The following HTR1F variants were observed in gnomAD, a reference collection of about 807,000 sequenced individuals.
The protein encoded by HTR1F is 5-hydroxytryptamine (serotonin) receptor 1F, G protein-coupled.
A neutral mutation model predicts 24.0 loss-of-function variants in HTR1F; 17 were observed. The observed-to-expected ratio is 0.71, with a 90% CI of 0.48 to 1.06. The LOEUF is 1.06. Ranked by LOEUF, HTR1F falls within the 50% of genes least tolerant of loss-of-function variation. The pLI, the probability that HTR1F is intolerant of heterozygous loss-of-function variation, is 0.00. For missense variants in HTR1F, 391 were observed against 427.8 expected (o/e 0.91, Z 0.76); for synonymous variants, 186 against 156.8 (o/e 1.19, Z -1.39).
chr3:87,973,511 G>C (rs539320897), intron 2 of HTR1F, among the ~76,000 whole-genome samples: 133 of 152,182 alleles, frequency 8.7e-4, no homozygotes, highest in Non-Finnish European at 1.5e-3. Flanking sequence ...AGGCAAAACT[G>C]CTATAACCGT....
intron 2 of HTR1F, among the ~76,000 whole-genome samples, chr3:87,954,272 A>G (rs538370825): frequency 3.7e-4 from 56 of 151,958 alleles, no homozygotes; most frequent in African/African-American, 1.3e-3. Flanking sequence ...ATCATTACAC[A>G]TTATGTACAT....
At chr3:87,876,753 G>A (rs1470138413) in intron 2 of HTR1F, among the ~76,000 whole-genome samples, 3 of 152,096 alleles carry the variant, frequency 2.0e-5, no homozygotes, top group Admixed American at 2.0e-4. Context: ...ATTGTCTGTA[G>A]AGCTACCGAA....
chr3:87,932,457 A>G (rs924292821), intron 2 of HTR1F, among the ~76,000 whole-genome samples: 2 of 152,124 alleles, frequency 1.3e-5, no homozygotes, highest in African/African-American at 2.4e-5. Flanking sequence ...GCCTTGTAGT[A>G]TAGTTTGAAG....
intron 2 of HTR1F, among the ~76,000 whole-genome samples, chr3:87,838,228 G>C (rs1281751335): frequency 2.0e-5 from 3 of 152,084 alleles, no homozygotes; most frequent in Admixed American, 2.0e-4. Flanking sequence ...GGAAGTGGCT[G>C]GTAGTCAAAA....
chr3:87,832,359 G>T (rs568631578), intron 2 of HTR1F, among the ~76,000 whole-genome samples: 2 of 126,144 alleles, frequency 1.6e-5, no homozygotes, highest in Admixed American at 1.0e-4. Flanking sequence ...ATGGAGTCTC[G>T]CTCTGTCGCC....
At chr3:87,910,500 T>A (rs2107348207) in intron 2 of HTR1F, among the ~76,000 whole-genome samples, 1 of 152,134 alleles carries the variant, frequency 6.6e-6, no homozygotes, top group African/African-American at 2.4e-5. Context: ...CAAAGAGACT[T>A]AGAGTCCCGC....
At chr3:87,825,674 C>A (rs745712297) in intron 2 of HTR1F, among the ~76,000 whole-genome samples, 1 of 152,182 alleles carries the variant, frequency 6.6e-6, no homozygotes, top group Non-Finnish European at 1.5e-5. Context: ...GTCTCAGAGT[C>A]GCACTCGCCT....
chr3:87,939,042 T>C (rs1313026872), intron 2 of HTR1F, among the ~76,000 whole-genome samples: 1 of 152,216 alleles, frequency 6.6e-6, no homozygotes, highest in Admixed American at 6.5e-5. Flanking sequence ...AAAGATCTAA[T>C]ATCCAGCATC....
chr3:87,844,089 T>C (rs1207770084), intron 2 of HTR1F, among the ~76,000 whole-genome samples: 4 of 150,166 alleles, frequency 2.7e-5, no homozygotes, highest in Non-Finnish European at 5.9e-5. Flanking sequence ...TCTAGATCCC[T>C]GAGGAATCGC....
intron 2 of HTR1F, among the ~76,000 whole-genome samples, chr3:87,935,677 T>C (rs1349817844): frequency 6.6e-6 from 1 of 152,210 alleles, no homozygotes; most frequent in African/African-American, 2.4e-5. Context: ...CATTTCACTG[T>C]TTCATTAAGT....
intron 1 of HTR1F, among the ~76,000 whole-genome samples, chr3:87,807,488 C>G (rs944642138): frequency 6.6e-6 from 1 of 151,834 alleles, no homozygotes; most frequent in Non-Finnish European, 1.5e-5. Context: ...TATTCCGCAA[C>G]TTCATTGAAT....
In HTR1F at chr3:87,956,180, T is replaced by C. The variant is rs191950897; in HGVS notation, c.-42-34528T>C. ...GTTGTATGTTTTATTGTTTTGACTT[T>C]TATGTCTATGATTCATTTCAAGTTA... On this transcript the variant is annotated intron_variant, in intron 2 of 2. Coordinates refer to ENST00000319595, the MANE Select transcript of HTR1F (RefSeq NM_001322209.2). Among the ~76,000 whole-genome samples the C allele has an allele frequency of 7.6e-4, 115 of 151,554 alleles. 1 individual carries two copies. Among genetic ancestry groups the C allele is most frequent in the African/African-American group, 2.7e-3 (112 of 41,522 alleles).
intron 2 of HTR1F, among the ~76,000 whole-genome samples, chr3:87,893,988 C>T (rs1706143055): frequency 6.6e-6 from 1 of 151,256 alleles, no homozygotes. Context: ...TTCCTTTCTG[C>T]TTTGGACAGC....
chr3:87,820,650 G>A (rs56357704), intron 1 of HTR1F, among the ~76,000 whole-genome samples: 11,509 of 151,830 alleles, frequency 0.076, 522 homozygotes, highest in Middle Eastern at 0.12. Flanking sequence ...AAATTTAAAA[G>A]GTAAATTGTA....
chr3:87,917,325 C>T (rs1403102750), intron 2 of HTR1F, among the ~76,000 whole-genome samples: 1 of 150,836 alleles, frequency 6.6e-6, no homozygotes, highest in Non-Finnish European at 1.5e-5. Context: ...CAAACCAAAC[C>T]CATACCCAGC....
Position 87,805,392 on chromosome 3 carries a change from A to C in HTR1F, c.-160+12550A>C, listed in dbSNP as rs190313029. Among the ~76,000 whole-genome samples, 11 of 152,230 alleles carry C rather than the reference A, an allele frequency of 7.2e-5. No individual in the cohort carries two copies. The East Asian group carries it at 2.1e-3, about 29-fold the overall frequency. On this transcript the variant is annotated intron_variant, in intron 1 of 2. Coordinates refer to ENST00000319595, the MANE Select transcript of HTR1F (RefSeq NM_001322209.2). ...AGGGAAATACAGTGTCTCTGAATTAATTTAGATATTTCATGTTTGTCAATA... is the reference window on the plus strand; with the variant it reads ...AGGGAAATACAGTGTCTCTGAATTACTTTAGATATTTCATGTTTGTCAATA...
At chr3:87,907,951 G>A (rs993153083) in intron 2 of HTR1F, among the ~76,000 whole-genome samples, 3 of 151,952 alleles carry the variant, frequency 2.0e-5, no homozygotes, top group African/African-American at 7.2e-5. Flanking sequence ...CAATTTGAAA[G>A]TATGTGTTGA....
At chr3:87,974,994 T>C (rs1295733274) in intron 2 of HTR1F, among the ~76,000 whole-genome samples, 4 of 152,176 alleles carry the variant, frequency 2.6e-5, no homozygotes, top group Admixed American at 1.3e-4. Flanking sequence ...CCTTTAACCA[T>C]GTCACTTCTG....
At chr3:87,832,223 G>C (rs1275251041) in intron 2 of HTR1F, among the ~76,000 whole-genome samples, 1 of 150,908 alleles carries the variant, frequency 6.6e-6, no homozygotes, top group Non-Finnish European at 1.5e-5. Context: ...AAAGTACTTC[G>C]TCACTAAATT....
Sources: allele counts gnomAD v4.1 joint callset (sites outside exome capture counted in the v4.1 genomes callset), GRCh38; gene constraint gnomAD v4.1.1; transcripts MANE v1.5; gene names NCBI Gene and HGNC (gene_info 2026-07-23, HGNC 2026-07-21).